The following AGTRAP variants were observed in gnomAD, a reference collection of about 807,000 sequenced individuals.
The protein encoded by AGTRAP is angiotensin II receptor associated protein.
AGTRAP carries 7 observed loss-of-function variants against 15.2 expected under a neutral mutation model. The observed-to-expected ratio is 0.46, with a 90% confidence interval of 0.26 to 0.87. The LOEUF is 0.87. AGTRAP is among the 40% of genes least tolerant of loss of function. AGTRAP has a pLI of 0.15. For missense variants in AGTRAP, 187 were observed against 213.4 expected (o/e 0.88, Z 0.77); for synonymous variants, 74 against 89.6 (o/e 0.83, Z 0.98).
chr1:11,749,720 A>G (rs1436263955), intron 4 of AGTRAP, among the ~76,000 whole-genome samples: 1 of 152,138 alleles, frequency 6.6e-6, no homozygotes, highest in Non-Finnish European at 1.5e-5. Context: ...TGCCTGGGGA[A>G]GCCCATGGCA....
At chr1:11,744,587 G>A (rs767729441) in intron 1 of AGTRAP, 17 of 714,472 alleles carry the variant, frequency 2.4e-5, no homozygotes, top group South Asian at 1.8e-4. Flanking sequence ...CCACCGCTCC[G>A]CTTCCCATCG....
intron 1 of AGTRAP, among the ~76,000 whole-genome samples, chr1:11,737,012 T>C (rs1046792840): frequency 6.6e-6 from 1 of 152,196 alleles, no homozygotes; most frequent in Admixed American, 6.5e-5. Flanking sequence ...AACCGGCCAT[T>C]TTGGGTCTTA....
At chr1:11,750,023 ATCCCGAGTTCTC>A in intron 4 of AGTRAP, 42 bp from the exon 5 acceptor site, 1 of 1,450,760 alleles carries the variant, frequency 6.9e-7, no homozygotes. Context: ...TCAGCTGAAC[ATCCCGAGTTCTC>A]ACCCTTCATT....
chr1:11,739,423 C>T (rs1350684603), intron 1 of AGTRAP, among the ~76,000 whole-genome samples: 1 of 152,044 alleles, frequency 6.6e-6, no homozygotes, highest in African/African-American at 2.4e-5. Context: ...TGGTGGTGCT[C>T]GCCTGTAGTC....
chr1:11,742,662 C>T (rs1289381495), intron 1 of AGTRAP, among the ~76,000 whole-genome samples: 2 of 152,266 alleles, frequency 1.3e-5, no homozygotes, highest in South Asian at 2.1e-4. Context: ...TCCCAGGTAG[C>T]TGGGGCTATA....
intron 1 of AGTRAP, among the ~76,000 whole-genome samples, chr1:11,742,001 T>C (rs1451815454): frequency 6.6e-6 from 1 of 152,238 alleles, no homozygotes; most frequent in Non-Finnish European, 1.5e-5. Context: ...TGTGGTTCAC[T>C]CTGGCCCTGG....
At chr1:11,747,720 A>G (rs1486423496) in intron 3 of AGTRAP, among the ~76,000 whole-genome samples, 175 bp downstream of exon 3, 1 of 152,226 alleles carries the variant, frequency 6.6e-6, no homozygotes, top group African/African-American at 2.4e-5. Flanking sequence ...GCCTGTGTTC[A>G]GGAGCCCAGC....
rs764388746 is a variant in AGTRAP, at chr1:11,747,500, C to T, written c.123C>T (p.Gly41=). The T allele has an allele frequency of 2.0e-5, 33 of 1,614,004 alleles. No individual in the cohort carries two copies. The highest frequency in any genetic ancestry group is 1.6e-4 in the Middle Eastern group (1 of 6,082). ...AWANFTILAL[G]VWAVAQRDSI... ...CCAACTTCACCATCCTGGCCTTGGGCGTGTGGGCTGTGGCTCAGCGGGACT... is the reference window on the plus strand; with the variant it reads ...CCAACTTCACCATCCTGGCCTTGGGTGTGTGGGCTGTGGCTCAGCGGGACT... Residue 41 remains glycine (G), a synonymous_variant, in exon 3 of 5, where the codon GGC becomes GGT. Coordinates refer to ENST00000314340, the MANE Select transcript of AGTRAP (RefSeq NM_020350.5).
chr1:11,738,225 T>G lies in AGTRAP; in HGVS notation c.27+1990T>G, dbSNP rs59949138. Among the ~76,000 whole-genome samples, 902 of 152,228 alleles carry G rather than the reference T, an allele frequency of 5.9e-3. 9 individuals carry two copies. The highest frequency in any genetic ancestry group is 0.021 in the African/African-American group (853 of 41,534). Reference sequence around the variant, plus strand: ...TGCACTCCCTCCCCACTCCCTCGTTTTGTATATTCCTTGGGCAAGGGCTGA... The same window carrying G: ...TGCACTCCCTCCCCACTCCCTCGTTGTGTATATTCCTTGGGCAAGGGCTGA... On this transcript the variant is annotated intron_variant, in intron 1 of 4. Transcript: ENST00000314340.
Position 11,750,037 on chromosome 1 carries a change from C to G in AGTRAP, c.365-40C>G, listed in dbSNP as rs1557706723. 3 of 1,536,504 alleles carry G rather than the reference C, an allele frequency of 2.0e-6. No homozygotes were observed. In the East Asian group the frequency reaches 6.8e-5, roughly 35 times the overall value. Reference sequence around the variant, plus strand: ...CTCAGCTGAACATCCCGAGTTCTCACCCTTCATTTTTCTTTCCCACCATGT... The same window carrying G: ...CTCAGCTGAACATCCCGAGTTCTCAGCCTTCATTTTTCTTTCCCACCATGT... On this transcript the variant is annotated intron_variant, in intron 4 of 4. Coordinates refer to ENST00000314340, the MANE Select transcript of AGTRAP (RefSeq NM_020350.5).
At position 11,745,534 on chromosome 1, in the gene AGTRAP, C is replaced by T. The variant is rs1293536395; in HGVS notation, c.28-269C>T. 1.3e-5 allele frequency among the ~76,000 whole-genome samples: 2 copies of T among 152,186 alleles called. No homozygotes were observed. The highest frequency in any genetic ancestry group is 2.4e-5 in the African/African-American group (1 of 41,444). On this transcript the variant is annotated intron_variant, in intron 1 of 4. Transcript: ENST00000314340. This position sits in a 1 kb window ranked among gnomAD's most constrained non-coding sequence, Gnocchi z 4.2. ...AGATGGAATTGCTCTGGTTCATACGCCTCTGACGCTTGGAAGGGGTGTGGG... is the reference window on the plus strand; with the variant it reads ...AGATGGAATTGCTCTGGTTCATACGTCTCTGACGCTTGGAAGGGGTGTGGG...
At position 11,746,604 on chromosome 1, in the gene AGTRAP, GA is replaced by G. The variant is rs1200185552; in HGVS notation, c.62+768del. 802 of 183,516 alleles carry G rather than the reference GA, an allele frequency of 4.4e-3. 7 individuals carry two copies. Among genetic ancestry groups the G allele is most frequent in the African/African-American group, 0.018 (764 of 42,592 alleles). The allele number at this position is 183,516 out of a possible 1,614,324, so 11.4% of individuals were successfully genotyped here. A position where few individuals can be genotyped will look rare whatever the true frequency, so the allele number is the denominator to read the frequency against. Reference sequence around the variant, plus strand: ...AGCAAGAGCATGGCCTCTCCAGCCAGACTCCAAATCCCAGCCCCACTGCTCA... The same window carrying G: ...AGCAAGAGCATGGCCTCTCCAGCCAGCTCCAAATCCCAGCCCCACTGCTCA... On this transcript the variant is annotated intron_variant, in intron 2 of 4. Transcript: ENST00000314340.
intron 4 of AGTRAP, among the ~76,000 whole-genome samples, chr1:11,749,687 T>C (rs1030219186): frequency 6.6e-6 from 1 of 152,196 alleles, no homozygotes; most frequent in Non-Finnish European, 1.5e-5. Flanking sequence ...GATGTCCCTC[T>C]GCCCAGGTTC....
rs113287314 is a variant in AGTRAP at position 11,744,265 on chromosome 1, A to C, written c.28-1538A>C. Among the ~76,000 whole-genome samples the C allele has an allele frequency of 7.4e-3, 1,124 of 152,238 alleles. 14 individuals carry two copies. The highest frequency in any genetic ancestry group is 0.025 in the South Asian group (119 of 4,814). On this transcript the variant is annotated intron_variant, in intron 1 of 4. Coordinates refer to ENST00000314340, the MANE Select transcript of AGTRAP (RefSeq NM_020350.5). ...ACTCCAGCCTGACCCACAGAGCAAG[A>C]CCCTGTCTCCAAATTTAAAAAGAAA...
chr1:11,740,416 G>C (rs1642000077), intron 1 of AGTRAP, among the ~76,000 whole-genome samples: 1 of 152,230 alleles, frequency 6.6e-6, no homozygotes, highest in Non-Finnish European at 1.5e-5. Flanking sequence ...CTTAAGAGGA[G>C]CAACTGGTGC....
chr1:11,736,741 C>T (rs542329131), intron 1 of AGTRAP, among the ~76,000 whole-genome samples: 2 of 152,340 alleles, frequency 1.3e-5, no homozygotes, highest in South Asian at 2.1e-4. Flanking sequence ...CATCCAGCGC[C>T]CTTATTTCAT....
chr1:11,737,634 A>T (rs922783153), intron 1 of AGTRAP, among the ~76,000 whole-genome samples: 3 of 152,214 alleles, frequency 2.0e-5, no homozygotes, highest in Non-Finnish European at 4.4e-5. Flanking sequence ...ATTTGAACCC[A>T]TAGGGATCAG....
intron 2 of AGTRAP, chr1:11,746,261 C>G: frequency 1.3e-6 from 2 of 1,524,038 alleles, no homozygotes; most frequent in Non-Finnish European, 1.8e-6. Context: ...GATTCACGAC[C>G]TTGAGAAGCA....
chr1:11,748,601 G>T lies in AGTRAP; in HGVS notation c.355G>T (p.Val119Phe). 2 of 1,606,568 alleles carry T rather than the reference G, an allele frequency of 1.2e-6. No homozygotes were observed. Among genetic ancestry groups the T allele is most frequent in the Non-Finnish European group, 1.7e-6 (2 of 1,179,832 alleles). The part of the protein sequence containing the change: ...MYRERGGELL[V>F]HTGFLGSSQD... ...CCGGGAGCGCGGGGGTGAGCTCCTG[G>T]TCCACACTGGTGAGGCCACCACCTC... is the stretch of plus-strand genomic sequence containing the variant. Residue 119 changes from valine (V) to phenylalanine (F), a missense_variant, in exon 4 of 5, where the codon GTC (valine) becomes TTC (phenylalanine). Val to Phe is a conservative substitution (Grantham distance 50, BLOSUM62 -1). Transcript: ENST00000314340.
Sources: allele counts gnomAD v4.1 joint callset (sites outside exome capture counted in the v4.1 genomes callset), GRCh38; gene constraint gnomAD v4.1.1; non-coding constraint Gnocchi (gnomAD v3.1); transcripts MANE v1.5; gene names NCBI Gene and HGNC (gene_info 2026-07-23, HGNC 2026-07-21).